The following ADGRB3 variants were observed in gnomAD, a reference collection of about 807,000 sequenced individuals.
ADGRB3 encodes the protein adhesion G protein-coupled receptor B3, also known as brain-specific angiogenesis inhibitor 3.
A neutral mutation model predicts 193.4 loss-of-function variants in ADGRB3; 37 were observed. The ratio of observed to expected loss-of-function variants is 0.19; its 90% CI spans 0.15 to 0.25. The LOEUF (loss-of-function observed/expected upper bound fraction) is 0.25, where lower values mean the gene tolerates loss of function less well. ADGRB3 is among the 10% of genes least tolerant of loss of function. The pLI, the probability that ADGRB3 is intolerant of heterozygous loss-of-function variation, is 1.00. For missense variants in ADGRB3, 1,637 were observed against 1,852.9 expected, an observed-to-expected ratio of 0.88 and a Z score of 2.14; for synonymous variants, 690 against 644.2, an observed-to-expected ratio of 1.07 and a Z score of -1.08.
chr6:69,333,895 A>G (rs1361796704), intron 24 of ADGRB3, among the ~76,000 whole-genome samples: 1 of 150,552 alleles, frequency 6.6e-6, no homozygotes, highest in East Asian at 1.9e-4. Flanking sequence ...GCGCCACTGC[A>G]CTCCAGCCTG....
Position 68,638,714 on chromosome 6 carries a change from C to T in ADGRB3, c.39C>T (p.Ser13=). ...GTAACCTGCTGATTTATATATTTTC[C>T]ACCTATCTCCTGGTTATGTTTGGAT... ...AVRNLLIYIF[S]TYLLVMFGFN... The change falls in exon 3 of 32, where the codon TCC becomes TCT. Residue 13 remains serine (S), a synonymous_variant. Coordinates refer to ENST00000370598, the MANE Select transcript of ADGRB3 (RefSeq NM_001704.3). 1 of 1,613,936 alleles carries T rather than the reference C, an allele frequency of 6.2e-7. No individual in the cohort carries two copies. Among genetic ancestry groups the T allele is most frequent in the Non-Finnish European group, 8.5e-7 (1 of 1,179,968 alleles).
At chr6:69,200,785 G>C (rs895322178) in intron 17 of ADGRB3, among the ~76,000 whole-genome samples, 1 of 152,024 alleles carries the variant, frequency 6.6e-6, no homozygotes, top group Non-Finnish European at 1.5e-5. Context: ...TGGAAAACTG[G>C]AGGAAGCCAA....
At chr6:68,663,656 A>G (rs1031751101) in intron 3 of ADGRB3, among the ~76,000 whole-genome samples, 15 of 151,806 alleles carry the variant, frequency 9.9e-5, no homozygotes, top group African/African-American at 3.6e-4. Flanking sequence ...CTTAGGAGCC[A>G]TGAATAGAAA....
intron 3 of ADGRB3, among the ~76,000 whole-genome samples, chr6:68,676,815 TAC>T (rs780919007): frequency 6.6e-6 from 1 of 152,168 alleles, no homozygotes; most frequent in African/African-American, 2.4e-5. Flanking sequence ...ACCTCTAAGT[TAC>T]CAAGGGTTTC....
At chr6:68,794,569 A>C (rs9346243) in intron 3 of ADGRB3, among the ~76,000 whole-genome samples, 84,746 of 151,830 alleles carry the variant, frequency 0.56, 24,446 homozygotes, top group East Asian at 0.86. Context: ...CAACCCTTTG[A>C]AGTATTATTG....
At chr6:69,129,722 C>T (rs1421692931) in intron 17 of ADGRB3, among the ~76,000 whole-genome samples, 2 of 152,176 alleles carry the variant, frequency 1.3e-5, no homozygotes, top group Non-Finnish European at 2.9e-5. Context: ...ACATCAGACA[C>T]TAGTTCAGGT....
chr6:69,130,996 A>C (rs1773993586), intron 17 of ADGRB3, among the ~76,000 whole-genome samples: 1 of 152,126 alleles, frequency 6.6e-6, no homozygotes, highest in Admixed American at 6.6e-5. Flanking sequence ...ACTTTTTATA[A>C]GAAAATCTCC....
intron 4 of ADGRB3, among the ~76,000 whole-genome samples, chr6:68,933,556 G>T (rs1180937691): frequency 6.6e-6 from 1 of 152,210 alleles, no homozygotes; most frequent in Non-Finnish European, 1.5e-5. Context: ...TCACACCATT[G>T]CACTTCAGCC....
At chr6:69,288,762 C>T (rs527656704) in intron 20 of ADGRB3, among the ~76,000 whole-genome samples, 1 of 152,172 alleles carries the variant, frequency 6.6e-6, no homozygotes, top group South Asian at 2.1e-4. Flanking sequence ...AAGGCTTTTC[C>T]CTCAGGTCTT....
rs370504327 is a variant in ADGRB3, at chr6:68,753,806, C to G, written c.757+114374C>G. On this transcript the variant is annotated intron_variant, in intron 3 of 31. Transcript: ENST00000370598. Reference sequence around the variant, plus strand: ...TGGTTGGGGACGCTGGGTGTATTCGCAGGACACCATGACCAATTTGGTTTG... The same window carrying G: ...TGGTTGGGGACGCTGGGTGTATTCGGAGGACACCATGACCAATTTGGTTTG... Among the ~76,000 whole-genome samples, 28 of 152,266 alleles carry G rather than the reference C, an allele frequency of 1.8e-4. No individual in the cohort carries two copies. The East Asian group carries it at 2.1e-3, about 12-fold the overall frequency.
chr6:69,374,777 CA>C (rs1769779010), intron 30 of ADGRB3, among the ~76,000 whole-genome samples: 1 of 151,992 alleles, frequency 6.6e-6, no homozygotes, highest in Non-Finnish European at 1.5e-5. Flanking sequence ...AGTAAGCATT[CA>C]GTAATTTTTT....
intron 8 of ADGRB3, among the ~76,000 whole-genome samples, chr6:68,964,033 A>G (rs1768309884): frequency 6.6e-6 from 1 of 152,164 alleles, no homozygotes; most frequent in African/African-American, 2.4e-5. Context: ...GCATATGAAT[A>G]AAAAGTTTGC....
At chr6:69,006,853 T>G (rs1026441205) in intron 11 of ADGRB3, among the ~76,000 whole-genome samples, 29 of 152,202 alleles carry the variant, frequency 1.9e-4, no homozygotes, top group African/African-American at 7.0e-4. Context: ...TTTTATTTAT[T>G]TCTCTTCTTA....
chr6:69,085,022 T>A (rs189127875), intron 17 of ADGRB3, among the ~76,000 whole-genome samples: 1 of 152,134 alleles, frequency 6.6e-6, no homozygotes, highest in Non-Finnish European at 1.5e-5. Flanking sequence ...CTTGAAAAGT[T>A]ATTTTTTAAA....
At chr6:68,946,047 A>C (rs1346409743) in intron 6 of ADGRB3, among the ~76,000 whole-genome samples, 2 of 152,106 alleles carry the variant, frequency 1.3e-5, no homozygotes, top group African/African-American at 4.8e-5. Flanking sequence ...ATATGGGCAT[A>C]TCCTTGAGTA....
chr6:69,149,257 G>C (rs1774597754), intron 17 of ADGRB3, among the ~76,000 whole-genome samples: 1 of 151,636 alleles, frequency 6.6e-6, no homozygotes, highest in Non-Finnish European at 1.5e-5. Context: ...CTCTGACTGT[G>C]TATTTTCAAA....
At chr6:68,933,105 A>AAT (rs1387814406) in intron 4 of ADGRB3, among the ~76,000 whole-genome samples, 8 of 150,680 alleles carry the variant, frequency 5.3e-5, no homozygotes, top group Non-Finnish European at 8.9e-5. Context: ...GATATCATAT[A>AAT]ATATATATAT....
intron 11 of ADGRB3, among the ~76,000 whole-genome samples, chr6:69,001,695 C>T (rs1237810112): frequency 6.6e-6 from 1 of 152,126 alleles, no homozygotes; most frequent in Admixed American, 6.5e-5. Context: ...AAAATACACA[C>T]ATAGAAATGT....
At chr6:69,066,748 T>G (rs1194702077) in intron 16 of ADGRB3, among the ~76,000 whole-genome samples, 1 of 152,194 alleles carries the variant, frequency 6.6e-6, no homozygotes, top group African/African-American at 2.4e-5. Flanking sequence ...ATATCAAATT[T>G]TTTTCTCCCT....
Sources: gnomAD v4.1 joint callset for allele counts (sites outside exome capture counted in the v4.1 genomes callset) on GRCh38, gnomAD v4.1.1 for gene constraint, MANE v1.5 for transcripts, NCBI Gene and HGNC (gene_info 2026-07-23, HGNC 2026-07-21) for gene names.